The following PSME4 variants were observed in gnomAD, a reference collection of about 807,000 sequenced individuals.
The protein encoded by PSME4 is proteasome activator subunit 4, also known as proteasome activator complex subunit 4.
Under a neutral mutation model 253.9 loss-of-function variants are expected in PSME4, and 89 were observed. The observed-to-expected ratio is 0.35, with a 90% CI of 0.30 to 0.42. The LOEUF (loss-of-function observed/expected upper bound fraction) is 0.42. PSME4 is among the 10% of genes least tolerant of loss of function. PSME4 has a pLI of 1.00. For synonymous variants in PSME4, 851 were observed against 759.2 expected (o/e 1.12, Z -1.99); for missense variants, 2,014 against 2,195.2 (o/e 0.92, Z 1.65).
chr2:53,880,073 T>C (rs1232487899), intron 41 of PSME4, among the ~76,000 whole-genome samples: 1 of 152,112 alleles, frequency 6.6e-6, no homozygotes, highest in East Asian at 1.9e-4. Flanking sequence ...TGGCAGGACA[T>C]CCATAGCAAA....
At chr2:53,888,446 C>A in intron 38 of PSME4, 1 of 334,424 alleles carries the variant, frequency 3.0e-6, no homozygotes, top group Non-Finnish European at 5.4e-6. Flanking sequence ...CACAAAAGTA[C>A]AAAAGACAAT....
intron 1 of PSME4, among the ~76,000 whole-genome samples, chr2:53,967,672 A>AAAAAAAAAAAAAC (rs1670807319): frequency 6.8e-6 from 1 of 147,022 alleles, no homozygotes; most frequent in Non-Finnish European, 1.5e-5. Context: ...AAAAAAAAAA[A>AAAAAAAAAAAAAC]AAAAAAAGTC....
At chr2:53,932,201 A>T (rs901529550) in intron 9 of PSME4, 101 bp from the exon 10 acceptor site, 11 of 1,090,742 alleles carry the variant, frequency 1.0e-5, no homozygotes, top group Non-Finnish European at 1.5e-5. Context: ...TAAAAATAAC[A>T]GTTCTTATTA....
Position 53,932,030 on chromosome 2 carries a change from T to A in PSME4, c.1121A>T (p.Lys374Met), listed in dbSNP as rs1472821881. The change falls in exon 10 of 47, where the codon AAG becomes ATG. Residue 374 changes from lysine (K) to methionine (M), a missense_variant. Coordinates refer to ENST00000404125, the MANE Select transcript of PSME4 (RefSeq NM_014614.3). ...VVRRLHRERYKKPSWLTPVPD... is the reference protein window; with the variant it reads ...VVRRLHRERYMKPSWLTPVPD... ...CACAGGAGTTAACCAAGAGGGCTTC[T>A]TGTATCTTTCACGATGCAATCTTCT... is the stretch of plus-strand genomic sequence containing the variant. 6.8e-6 allele frequency: 11 copies of A among 1,613,642 alleles called. No homozygotes were observed. Among genetic ancestry groups the A allele is most frequent in the Non-Finnish European group, 9.3e-6 (11 of 1,179,606 alleles).
In PSME4 at chr2:53,904,089, A is replaced by G. The variant is rs1680535352; in HGVS notation, c.3011T>C (p.Ile1004Thr). The change falls in exon 27 of 47, where the codon ATC becomes ACC. Residue 1004 changes from isoleucine (I) to threonine (T), a missense_variant. Around this residue, in one of 4 missense-constraint regions of PSME4, gnomAD observed 989 missense variants for 1,021.1 expected, o/e 0.97. Transcript: ENST00000404125. Reference sequence around the variant, plus strand: ...TAAGAACTCCAAAACCAAGGGAATGATATCTCTGCAACAGAAGTTATATGC... The same window carrying G: ...TAAGAACTCCAAAACCAAGGGAATGGTATCTCTGCAACAGAAGTTATATGC... ...LGAYNFCCRD[I>T]IPLVLEFLRP... 6.8e-6 allele frequency: 11 copies of G among 1,613,902 alleles called. No homozygotes were observed. In the East Asian group the frequency reaches 2.5e-4, roughly 36 times the overall value.
chr2:53,896,284 T>C (rs2104430447), intron 32 of PSME4, among the ~76,000 whole-genome samples: 1 of 152,318 alleles, frequency 6.6e-6, no homozygotes, highest in South Asian at 2.1e-4. Flanking sequence ...CCACTGAATG[T>C]ACTTTATATG....
rs1459945401 is a variant in PSME4, at chr2:53,864,549, C to T, written c.*1029G>A. 30 of 152,434 alleles carry T rather than the reference C, an allele frequency of 2.0e-4. No homozygotes were observed. The highest frequency in any genetic ancestry group is 1.9e-3 in the Admixed American group (29 of 15,256). The allele number at this position is 152,434 out of a possible 1,614,324, so 9.4% of individuals were successfully genotyped here. A position where few individuals can be genotyped will look rare whatever the true frequency, so the allele number is the denominator to read the frequency against. On this transcript the variant is annotated 3_prime_UTR_variant, in exon 47 of 47. Transcript: ENST00000404125. ...CCAAAATCACTATAATAAAGAACTA[C>T]ACGTGAATCTTTACAAATTACACAA...
At chr2:53,936,050 C>G (rs778385218) in intron 7 of PSME4, 37 bp downstream of exon 7, 1 of 1,602,862 alleles carries the variant, frequency 6.2e-7, no homozygotes, top group Non-Finnish European at 8.5e-7. Flanking sequence ...CCTACCACCC[C>G]ATGCCTGATA....
At position 53,927,405 on chromosome 2, in the gene PSME4, C is replaced by A. The variant is rs1222847975; in HGVS notation, c.1582G>T (p.Asp528Tyr). 1.3e-6 allele frequency: 2 copies of A among 1,569,950 alleles called. No individual in the cohort carries two copies. The highest frequency in any genetic ancestry group is 1.8e-6 in the Non-Finnish European group (2 of 1,139,990). Reference sequence around the variant, plus strand: ...TAAAATACCCTTACTTCTGTGAGGTCATTTCTTTCTTGTAGTACAGATGAA... The same window carrying A: ...TAAAATACCCTTACTTCTGTGAGGTAATTTCTTTCTTGTAGTACAGATGAA... Reference protein sequence around the residue: ...DCSSVLQERNDLTEVERELCS... With the variant: ...DCSSVLQERNYLTEVERELCS... The change falls in exon 12 of 47, where the codon GAC (aspartate) becomes TAC (tyrosine). Residue 528 changes from aspartate (D) to tyrosine (Y), a missense_variant. Transcript: ENST00000404125.
chr2:53,898,475 C>G (rs990610681), intron 29 of PSME4, 121 bp from the exon 30 acceptor site: 3 of 704,742 alleles, frequency 4.3e-6, no homozygotes, highest in Non-Finnish European at 6.9e-6. Context: ...CACCACCTGA[C>G]TGTAAACGGC....
In PSME4 at chr2:53,908,847, T is replaced by C. The variant is rs764133352; in HGVS notation, c.2573-7A>G. 1.3e-6 allele frequency: 2 copies of C among 1,593,698 alleles called. No individual in the cohort carries two copies. The highest frequency in any genetic ancestry group is 1.7e-5 in the Admixed American group (1 of 57,734). The stretch of plus-strand genomic sequence containing the variant: ...TGGTTCTCTCGAGACAGATCTATTT[T>C]GAAAAAATAAAAGAAGGTATTTTAG... On this transcript the variant is annotated splice_region_variant and splice_polypyrimidine_tract_variant and intron_variant, in intron 21 of 46. Transcript: ENST00000404125.
intron 24 of PSME4, among the ~76,000 whole-genome samples, chr2:53,907,508 C>T (rs1680714760): frequency 6.6e-6 from 1 of 152,176 alleles, no homozygotes; most frequent in African/African-American, 2.4e-5. Flanking sequence ...AACTCCCTTT[C>T]TTGCTTACAG....
At chr2:53,946,291 T>G (rs1251723458) in intron 3 of PSME4, among the ~76,000 whole-genome samples, 1 of 152,146 alleles carries the variant, frequency 6.6e-6, no homozygotes, top group Admixed American at 6.5e-5. Flanking sequence ...CCGCCTTACC[T>G]CCTCCTTTCA....
rs556406777 is a variant in PSME4, at chr2:53,910,128, A to T, written c.2519T>A (p.Val840Glu). Residue 840 changes from valine to glutamate, a missense_variant and splice_region_variant, in exon 21 of 47, where the codon GTA becomes GAA. Val to Glu is a moderately radical substitution (Grantham distance 121). Transcript: ENST00000404125. ...CTCTTCCAAGGACACCATACTTGGT[A>T]CTCTGTATAAAAACAAGAGTGCTTG... ...PLKGEPVTNL[V>E]PSMVSLEETK... 6.2e-7 allele frequency: 1 copy of T among 1,605,836 alleles called. No individual in the cohort carries two copies. Among genetic ancestry groups the T allele is most frequent in the Non-Finnish European group, 8.5e-7 (1 of 1,172,524 alleles).
At chr2:53,895,145 A>T in intron 33 of PSME4, 69 bp from the exon 34 acceptor site, 1 of 1,385,506 alleles carries the variant, frequency 7.2e-7, no homozygotes, top group Non-Finnish European at 9.9e-7. Flanking sequence ...GATAGAAAGC[A>T]TTAGAAGGCA....
At chr2:53,966,057 G>A (rs1159327683) in intron 1 of PSME4, among the ~76,000 whole-genome samples, 1 of 151,956 alleles carries the variant, frequency 6.6e-6, no homozygotes, top group Non-Finnish European at 1.5e-5. Flanking sequence ...CCGAGATCTT[G>A]GGCGGATCAT....
intron 41 of PSME4, chr2:53,881,339 T>C (rs1202639708): frequency 1.3e-5 from 2 of 152,200 alleles, no homozygotes; most frequent in African/African-American, 4.8e-5. Flanking sequence ...TGATGAGCAT[T>C]TTCTGAAGTT....
intron 33 of PSME4, among the ~76,000 whole-genome samples, chr2:53,895,301 T>A (rs909221011): frequency 2.0e-5 from 3 of 152,170 alleles, no homozygotes; most frequent in African/African-American, 7.2e-5. Context: ...TCTGGGCTGG[T>A]TTAGGCATAT....
chr2:53,892,765 T>C (rs1679968993), intron 36 of PSME4, 43 bp downstream of exon 36: 3 of 1,563,668 alleles, frequency 1.9e-6, no homozygotes, highest in South Asian at 1.2e-5. Flanking sequence ...ATGGGTAACA[T>C]AGCTTTAACA....
Sources: allele counts gnomAD v4.1 joint callset (sites outside exome capture counted in the v4.1 genomes callset), GRCh38; gene constraint gnomAD v4.1.1; regional missense constraint gnomAD v4.1.1; transcripts MANE v1.5; gene names NCBI Gene and HGNC (gene_info 2026-07-23, HGNC 2026-07-21).